Variants in CLYBL observed in about 807,000 individuals in gnomAD.
The protein encoded by CLYBL is citramalyl-CoA lyase.
CLYBL carries 31 observed loss-of-function variants against 38.9 expected under a neutral mutation model. The observed-to-expected ratio is 0.80, with a 90% CI of 0.60 to 1.08. The LOEUF (loss-of-function observed/expected upper bound fraction) is 1.08. Among genes scored for constraint, CLYBL ranks in the 50% least tolerant of loss-of-function variants. The pLI, the probability that CLYBL is intolerant of heterozygous loss-of-function variation, is 0.00. For synonymous variants in CLYBL, 171 were observed against 158.6 expected, an observed-to-expected ratio of 1.08 and a Z score of -0.59; for missense variants, 434 against 411.6, an observed-to-expected ratio of 1.05 and a Z score of -0.47.
rs2050207848 is a variant in CLYBL at position 99,805,188 on chromosome 13, A to T, written c.249+32178A>T. Among the ~76,000 whole-genome samples, 3 of 152,024 alleles carry T rather than the reference A, an allele frequency of 2.0e-5. No homozygotes were observed. The South Asian group carries it at 6.2e-4, about 32-fold the overall frequency. On this transcript the variant is annotated intron_variant, in intron 2 of 8. Coordinates refer to ENST00000339105, the MANE Select transcript of CLYBL (RefSeq NM_206808.5). Reference sequence around the variant, plus strand: ...GTCAATAGACACTTGGGTTCTTTCCACTTTCGGCTGTTGTAAATATTGTTG... The same window carrying T: ...GTCAATAGACACTTGGGTTCTTTCCTCTTTCGGCTGTTGTAAATATTGTTG...
At chr13:99,769,723 C>G (rs768815717) in intron 1 of CLYBL, among the ~76,000 whole-genome samples, 4 of 152,194 alleles carry the variant, frequency 2.6e-5, no homozygotes, top group African/African-American at 4.8e-5. Flanking sequence ...AAATCCATCT[C>G]TATCTCACCA....
chr13:99,658,037 C>T (rs1248028325), intron 1 of CLYBL, among the ~76,000 whole-genome samples: 1 of 152,224 alleles, frequency 6.6e-6, no homozygotes, highest in African/African-American at 2.4e-5. Context: ...CGCGCCAGCC[C>T]TCCCTGCCCG....
At chr13:99,676,833 G>T (rs149196587) in intron 1 of CLYBL, among the ~76,000 whole-genome samples, 1 of 149,336 alleles carries the variant, frequency 6.7e-6, no homozygotes. Flanking sequence ...TCGAACTCTC[G>T]ACCTCAGGTG....
intron 1 of CLYBL, among the ~76,000 whole-genome samples, chr13:99,614,068 T>C (rs534504606): frequency 1.1e-4 from 17 of 152,124 alleles, no homozygotes; most frequent in African/African-American, 3.9e-4. Flanking sequence ...AGTAAAGGGC[T>C]GTGGATGAAG....
chr13:99,782,380 ACCTGTAGTC>A (rs1328152559), intron 2 of CLYBL, among the ~76,000 whole-genome samples: 2 of 152,038 alleles, frequency 1.3e-5, no homozygotes, highest in African/African-American at 4.8e-5. Flanking sequence ...GGTGGTGCGC[ACCTGTAGTC>A]CCACCCTCAG....
At chr13:99,845,051 C>A (rs547139263) in intron 2 of CLYBL, among the ~76,000 whole-genome samples, 1 of 152,120 alleles carries the variant, frequency 6.6e-6, no homozygotes, top group Non-Finnish European at 1.5e-5. Flanking sequence ...TGAAAGAGAA[C>A]GTTAGTGGTC....
chr13:99,772,948 C>G lies in CLYBL; in HGVS notation c.187C>G (p.Pro63Ala). The G allele has an allele frequency of 6.2e-7, 1 of 1,613,670 alleles. No homozygotes were observed. The highest frequency in any genetic ancestry group is 1.6e-4 in the Middle Eastern group (1 of 6,062). ...GNDEKKIKKI[P>A]SLNVDCAVLD... ...TGATGAAAAGAAAATAAAGAAGATTCCATCCCTGAATGTAGATTGTGCAGT... is the reference window on the plus strand; with the variant it reads ...TGATGAAAAGAAAATAAAGAAGATTGCATCCCTGAATGTAGATTGTGCAGT... Residue 63 changes from proline to alanine, a missense_variant, in exon 2 of 9, where the codon CCA (proline) becomes GCA (alanine). Coordinates refer to ENST00000339105, the MANE Select transcript of CLYBL (RefSeq NM_206808.5).
chr13:99,615,494 C>CT (rs2046695109), intron 1 of CLYBL, among the ~76,000 whole-genome samples: 1 of 152,168 alleles, frequency 6.6e-6, no homozygotes, highest in South Asian at 2.1e-4. Flanking sequence ...GCAGCTGGAG[C>CT]TGTGTTCTGC....
chr13:99,623,339 T>G (rs560187654), intron 1 of CLYBL, among the ~76,000 whole-genome samples: 1 of 152,328 alleles, frequency 6.6e-6, no homozygotes, highest in East Asian at 1.9e-4. Flanking sequence ...TTCCAAATCA[T>G]TTTTAAATGT....
At chr13:99,783,373 T>C (rs1334990505) in intron 2 of CLYBL, among the ~76,000 whole-genome samples, 3 of 152,008 alleles carry the variant, frequency 2.0e-5, no homozygotes, top group African/African-American at 4.8e-5. Flanking sequence ...TTAATTATTA[T>C]ATTTGTTATA....
chr13:99,845,812 T>A (rs1194505474), intron 2 of CLYBL, among the ~76,000 whole-genome samples: 3 of 152,168 alleles, frequency 2.0e-5, no homozygotes, highest in African/African-American at 4.8e-5. Flanking sequence ...CTGCCTTTTT[T>A]AAAAAATTAA....
intron 1 of CLYBL, among the ~76,000 whole-genome samples, chr13:99,755,022 C>G (rs569506567): frequency 3.3e-5 from 5 of 151,850 alleles, no homozygotes; most frequent in African/African-American, 1.2e-4. Context: ...TTCAAACCCC[C>G]GGGTAGCTGG....
At chr13:99,894,690 C>T (rs1450910761), downstream of CLYBL, 1 of 124,486 alleles carries the variant, frequency 8.0e-6, no homozygotes, top group Non-Finnish European at 1.6e-5. Flanking sequence ...CTCAATAGGA[C>T]CCGTGTGGTG....
At chr13:99,805,371 G>A (rs2761162) in intron 2 of CLYBL, among the ~76,000 whole-genome samples, 87,422 of 151,900 alleles carry the variant, frequency 0.58, 25,677 homozygotes, top group African/African-American at 0.7. Context: ...AAACCTATAT[G>A]TTAACCAAGG....
chr13:99,647,120 G>C (rs557223754), intron 1 of CLYBL, among the ~76,000 whole-genome samples: 4 of 152,172 alleles, frequency 2.6e-5, no homozygotes, highest in South Asian at 2.1e-4. Context: ...CACACCTAAG[G>C]GGGGCTGGGT....
chr13:99,620,416 A>G (rs1464883904), intron 1 of CLYBL, among the ~76,000 whole-genome samples: 1 of 152,210 alleles, frequency 6.6e-6, no homozygotes, highest in Non-Finnish European at 1.5e-5. Flanking sequence ...AGGGATGACC[A>G]GTGAGCCCAA....
chr13:99,683,140 G>A (rs534895866), intron 1 of CLYBL, among the ~76,000 whole-genome samples: 310 of 152,168 alleles, frequency 2.0e-3, no homozygotes, highest in Non-Finnish European at 3.8e-3. Context: ...GGAGTGCAGT[G>A]GCACAATCTC....
chr13:99,899,824 G>A (rs113612252), downstream of CLYBL, among the ~76,000 whole-genome samples: 680 of 152,296 alleles, frequency 4.5e-3, 9 homozygotes, highest in African/African-American at 0.015. Context: ...CCACCCAGGG[G>A]CCAAACCTGC....
At chr13:99,632,911 A>G (rs2046965793) in intron 1 of CLYBL, among the ~76,000 whole-genome samples, 1 of 152,224 alleles carries the variant, frequency 6.6e-6, no homozygotes, top group Admixed American at 6.5e-5. Context: ...AAATGTATAC[A>G]CAATGAATGA....
Sources: gnomAD v4.1 joint callset for allele counts (sites outside exome capture counted in the v4.1 genomes callset) on GRCh38, gnomAD v4.1.1 for gene constraint, MANE v1.5 for transcripts, NCBI Gene and HGNC (gene_info 2026-07-23, HGNC 2026-07-21) for gene names.